Variants in DDX10 observed in about 807,000 individuals in gnomAD.
DDX10 encodes DEAD-box helicase 10.
DDX10 carries 74 observed loss-of-function variants against 104.3 expected under a neutral mutation model. The ratio of observed to expected loss-of-function variants is 0.71; its 90% CI spans 0.59 to 0.86. The LOEUF is 0.86. Among genes scored for constraint, DDX10 ranks in the 40% least tolerant of loss-of-function variants. DDX10 has a pLI of 0.00. For missense variants in DDX10, 952 were observed against 1,040.0 expected (o/e 0.92, Z 1.16); for synonymous variants, 351 against 353.4 (o/e 0.99, Z 0.08).
chr11:108,795,580 G>A (rs1861930614), intron 13 of DDX10, among the ~76,000 whole-genome samples: 1 of 146,484 alleles, frequency 6.8e-6, no homozygotes, highest in South Asian at 2.1e-4. Flanking sequence ...CTATGAGTGA[G>A]AACATGAAGT....
intron 10 of DDX10, among the ~76,000 whole-genome samples, chr11:108,708,569 G>C (rs1442730294): frequency 8.0e-6 from 1 of 124,276 alleles, no homozygotes; most frequent in South Asian, 2.8e-4. Context: ...GGTGTTCATA[G>C]TATTTTTTTT....
intron 9 of DDX10, among the ~76,000 whole-genome samples, chr11:108,704,864 A>G (rs2094273676): frequency 6.6e-6 from 1 of 152,212 alleles, no homozygotes. Context: ...GAAAGTATCC[A>G]CTGGACTCTC....
intron 16 of DDX10, among the ~76,000 whole-genome samples, chr11:108,900,993 A>G (rs1863510293): frequency 6.6e-6 from 1 of 152,098 alleles, no homozygotes; most frequent in Non-Finnish European, 1.5e-5. Context: ...CCTGAGCGTA[A>G]GTGAAATGGC....
chr11:108,852,277 T>G, intron 16 of DDX10, 68 bp downstream of exon 16: 1 of 1,255,496 alleles, frequency 8.0e-7, no homozygotes, highest in Non-Finnish European at 1.1e-6. Context: ...CATTTTATAT[T>G]TTGGCAAGAA....
At chr11:108,829,045 A>C (rs750681497) in intron 13 of DDX10, among the ~76,000 whole-genome samples, 1 of 152,244 alleles carries the variant, frequency 6.6e-6, no homozygotes, top group Non-Finnish European at 1.5e-5. Flanking sequence ...TTGTGCTGCT[A>C]TAAGCATGAG....
Position 108,726,388 on chromosome 11 carries a change from A to G in DDX10, c.1965+2926A>G, listed in dbSNP as rs907861394. Among the ~76,000 whole-genome samples the G allele has an allele frequency of 2.6e-5, 4 of 152,090 alleles. No homozygotes were observed. The East Asian group carries it at 5.8e-4, about 22-fold the overall frequency. On this transcript the variant is annotated intron_variant, in intron 13 of 17. Coordinates refer to ENST00000322536, the MANE Select transcript of DDX10 (RefSeq NM_004398.4). ...TTTAGTGTCTTTTTAGCATTGCTTT[A>G]TAACTTTAAGCACATGTAATGTGCA...
At chr11:108,884,893 C>T (rs745697806) in intron 16 of DDX10, among the ~76,000 whole-genome samples, 8 of 152,244 alleles carry the variant, frequency 5.3e-5, no homozygotes, top group Admixed American at 4.6e-4. Context: ...CTTCTACACA[C>T]GAATGTTTTG....
intron 16 of DDX10, among the ~76,000 whole-genome samples, chr11:108,873,386 T>C (rs984125970): frequency 1.3e-5 from 2 of 152,186 alleles, no homozygotes; most frequent in Non-Finnish European, 2.9e-5. Context: ...TCCTTTTCAC[T>C]GTCAGCTTTA....
chr11:108,700,320 T>G (rs1042445214), intron 9 of DDX10, among the ~76,000 whole-genome samples: 3 of 152,216 alleles, frequency 2.0e-5, no homozygotes, highest in Non-Finnish European at 4.4e-5. Context: ...AGGAAACTCT[T>G]TCTCAGAGAC....
At chr11:108,708,437 T>C (rs1460902755) in intron 10 of DDX10, among the ~76,000 whole-genome samples, 2 of 151,866 alleles carry the variant, frequency 1.3e-5, no homozygotes, top group Non-Finnish European at 2.9e-5. Context: ...TTATATCTTG[T>C]TGGATTCAAT....
At chr11:108,879,709 T>C (rs1863201726) in intron 16 of DDX10, among the ~76,000 whole-genome samples, 1 of 152,198 alleles carries the variant, frequency 6.6e-6, no homozygotes, top group Non-Finnish European at 1.5e-5. Context: ...CAGCTCTGGA[T>C]GGGTGACATT....
chr11:108,790,982 C>A (rs1861862744), intron 13 of DDX10, among the ~76,000 whole-genome samples: 1 of 152,196 alleles, frequency 6.6e-6, no homozygotes, highest in African/African-American at 2.4e-5. Flanking sequence ...AAAAATATTT[C>A]CCATCTCACA....
chr11:108,712,003 C>A (rs187309151), intron 10 of DDX10, among the ~76,000 whole-genome samples: 1 of 152,174 alleles, frequency 6.6e-6, no homozygotes, highest in Admixed American at 6.5e-5. Flanking sequence ...GGAGCCTATA[C>A]GTTAAGGATT....
intron 13 of DDX10, among the ~76,000 whole-genome samples, chr11:108,734,292 T>A (rs930715740): frequency 6.6e-6 from 1 of 152,188 alleles, no homozygotes; most frequent in African/African-American, 2.4e-5. Flanking sequence ...GGTAGCATGA[T>A]CTCAGATGTT....
In DDX10 at chr11:108,893,765, C is replaced by T. The variant is rs75396044; in HGVS notation, c.2305-24108C>T. The stretch of plus-strand genomic sequence containing the variant: ...TGGAAATTCTTTTTGTCAGTCCCAC[C>T]GGGGGAGCATTGATTGCTAAACAGA... On this transcript the variant is annotated intron_variant, in intron 16 of 17. Transcript: ENST00000322536. Among the ~76,000 whole-genome samples, 72 of 152,032 alleles carry T rather than the reference C, an allele frequency of 4.7e-4. 1 individual carries two copies. The East Asian group carries it at 0.012, about 25-fold the overall frequency.
At chr11:108,688,483 T>G (rs2094247670) in intron 6 of DDX10, among the ~76,000 whole-genome samples, 1 of 152,246 alleles carries the variant, frequency 6.6e-6, no homozygotes, top group African/African-American at 2.4e-5. Flanking sequence ...GCACACGTAT[T>G]ACTGAGAGTT....
intron 13 of DDX10, among the ~76,000 whole-genome samples, chr11:108,759,931 A>T (rs1185613044): frequency 6.6e-6 from 1 of 151,678 alleles, no homozygotes; most frequent in Non-Finnish European, 1.5e-5. Flanking sequence ...TTTCTTACCT[A>T]CTTCATTGTG....
In DDX10 at chr11:108,676,198, T is replaced by C. The variant is rs187121383; in HGVS notation, c.378+472T>C. ...TTCTGGGACATTGCTATCGGTCTTT[T>C]ATGGCAGCAAAACAGTAGAGCTTCT... On this transcript the variant is annotated intron_variant, in intron 3 of 17. Transcript: ENST00000322536. Among the ~76,000 whole-genome samples, 6 of 152,344 alleles carry C rather than the reference T, an allele frequency of 3.9e-5. No homozygotes were observed. The South Asian group carries it at 1.0e-3, about 26-fold the overall frequency.
At chr11:108,921,221 A>G (rs893358710) in intron 17 of DDX10, 1 of 152,236 alleles carries the variant, frequency 6.6e-6, no homozygotes, top group African/African-American at 2.4e-5. Context: ...CTCAATGGCA[A>G]TGAATCAAGA....
Sources: gnomAD v4.1 joint callset for allele counts (sites outside exome capture counted in the v4.1 genomes callset) on GRCh38, gnomAD v4.1.1 for gene constraint, MANE v1.5 for transcripts, NCBI Gene and HGNC (gene_info 2026-07-23, HGNC 2026-07-21) for gene names.